SPATA31C1: variants seen among roughly 807,000 people sequenced by gnomAD.
SPATA31C1 encodes the protein SPATA31 subfamily C member 1.
chr9:87,922,174 C>T, exon 5 of SPATA31C1: 1 of 1,613,288 alleles, frequency 6.2e-7, no homozygotes, highest in Non-Finnish European at 8.5e-7. Context: ...GGGATCCCAT[C>T]TTCAAATGAT....
chr9:87,920,553 T>C, exon 5 of SPATA31C1: 2 of 1,613,706 alleles, frequency 1.2e-6, no homozygotes, highest in Non-Finnish European at 1.7e-6. Context: ...ACCTGCACTT[T>C]TCCCTCACCC....
chr9:87,921,294 A>G (rs1272688628), exon 5 of SPATA31C1: 1 of 1,612,018 alleles, frequency 6.2e-7, no homozygotes, highest in Non-Finnish European at 8.5e-7. Flanking sequence ...GGAGCAATAC[A>G]TGGGGCAACG....
exon 5 of SPATA31C1, chr9:87,922,623 C>A (rs1828904407): frequency 2.5e-6 from 4 of 1,608,970 alleles, no homozygotes; most frequent in Non-Finnish European, 3.4e-6. Context: ...TTCTCAAGTG[C>A]CCCAGGGCCA....
At chr9:87,923,086 G>A in exon 5 of SPATA31C1, 2 of 1,602,300 alleles carry the variant, frequency 1.2e-6, no homozygotes, top group East Asian at 2.3e-5. Context: ...GAAGCTGAGA[G>A]GCTCATGACA....
At chr9:87,920,789 G>T in exon 5 of SPATA31C1, 1 of 1,613,906 alleles carries the variant, frequency 6.2e-7, no homozygotes, top group Non-Finnish European at 8.5e-7. Flanking sequence ...CCCTCTCCTG[G>T]TCGCAGGAGA....
intron 1 of SPATA31C1, among the ~76,000 whole-genome samples, chr9:87,916,265 AAG>A (rs1491043992): frequency 2.8e-5 from 4 of 144,214 alleles, no homozygotes; most frequent in African/African-American, 1.0e-4. Context: ...AAAAAAAAAA[AAG>A]ATCACATATC....
At chr9:87,918,800 T>C (rs1237063312) in intron 2 of SPATA31C1, 2 of 268,540 alleles carry the variant, frequency 7.4e-6, no homozygotes, top group African/African-American at 2.5e-5. Flanking sequence ...TTTTTATTTA[T>C]TTTGTTTTTT....
At chr9:87,922,522 A>G in exon 5 of SPATA31C1, 2 of 1,610,862 alleles carry the variant, frequency 1.2e-6, no homozygotes, top group Non-Finnish European at 1.7e-6. Flanking sequence ...ATGGCCACGA[A>G]GTCAGAGACC....
In SPATA31C1 at chr9:87,920,632, G is replaced by A. The variant is rs368844699; in HGVS notation, n.1022G>A. On this transcript the variant is annotated non_coding_transcript_exon_variant, in exon 5 of 5. Coordinates refer to ENST00000420021, the Ensembl canonical transcript of SPATA31C1. ...AAAGGCTTCACTCCTCCTCCCCTGCGGGACTCCACTCTGTTAACACCATCT... is the reference window on the plus strand; with the variant it reads ...AAAGGCTTCACTCCTCCTCCCCTGCAGGACTCCACTCTGTTAACACCATCT... The A allele has an allele frequency of 6.5e-5, 105 of 1,613,606 alleles. No individual in the cohort carries two copies. The highest frequency in any genetic ancestry group is 2.1e-4 in the African/African-American group (16 of 74,870).
intron 2 of SPATA31C1, 190 bp from the exon 2 acceptor site, chr9:87,919,065 C>G: frequency 2.1e-6 from 2 of 934,090 alleles, no homozygotes; most frequent in Non-Finnish European, 3.2e-6. Flanking sequence ...CCACCGCACC[C>G]GACCCCCTCT....
exon 5 of SPATA31C1, chr9:87,920,313 G>A: frequency 1.2e-6 from 2 of 1,613,986 alleles, no homozygotes; most frequent in Middle Eastern, 1.7e-4. Flanking sequence ...AGACCCGCCA[G>A]GTGAGGTGGG....
At chr9:87,922,062 G>T (rs760639831) in exon 5 of SPATA31C1, 20 of 1,614,008 alleles carry the variant, frequency 1.2e-5, no homozygotes, top group Non-Finnish European at 1.6e-5. Context: ...GCCACCAATG[G>T]CAAGTCTGAG....
chr9:87,918,737 G>C, intron 2 of SPATA31C1: 2 of 178,534 alleles, frequency 1.1e-5, no homozygotes, highest in Non-Finnish European at 2.1e-5. Flanking sequence ...TGGCGTCCAT[G>C]GTGGACCTCA....
downstream of SPATA31C1, chr9:87,923,563 GA>G: frequency 9.2e-7 from 1 of 1,087,544 alleles, no homozygotes; most frequent in Middle Eastern, 3.2e-4. Context: ...AAGTCACCAA[GA>G]AAAAATTCAC....
chr9:87,921,566 A>T, exon 5 of SPATA31C1: 1 of 1,609,738 alleles, frequency 6.2e-7, no homozygotes, highest in South Asian at 1.1e-5. Flanking sequence ...CTGAGGAGTC[A>T]GAAAGGAACC....
intron 1 of SPATA31C1, among the ~76,000 whole-genome samples, chr9:87,915,703 C>A (rs1357990883): frequency 7.0e-6 from 1 of 143,020 alleles, no homozygotes; most frequent in Non-Finnish European, 1.6e-5. Context: ...ACTGATATTG[C>A]ACTTTTTTCA....
In SPATA31C1 at chr9:87,919,095, G is replaced by A. The variant is rs567392589; in HGVS notation, n.523-196G>A. ...CCCTCTTCCTGTTTTTCTAAGAAAA[G>A]CAGTTTATCATCCATTTAAACATGA... On this transcript the variant is annotated intron_variant and non_coding_transcript_variant, in intron 2 of 4. Coordinates refer to ENST00000420021, the Ensembl canonical transcript of SPATA31C1. 2.5e-6 allele frequency: 3 copies of A among 1,177,392 alleles called. No homozygotes were observed. The South Asian group carries it at 3.9e-5, about 15-fold the overall frequency. The allele number at this position is 1,177,392 out of a possible 1,614,324, so 72.9% of individuals were successfully genotyped here.
chr9:87,916,371 T>C (rs1828718841), intron 1 of SPATA31C1, among the ~76,000 whole-genome samples: 1 of 147,842 alleles, frequency 6.8e-6, no homozygotes, highest in Admixed American at 6.7e-5. Flanking sequence ...GCACAATCAA[T>C]TCTAAGAATT....
At chr9:87,923,150 C>T in exon 5 of SPATA31C1, 1 of 1,603,310 alleles carries the variant, frequency 6.2e-7, no homozygotes, top group African/African-American at 1.3e-5. Flanking sequence ...CGCGCCATGC[C>T]TCGAAGGTAA....
Sources: gnomAD v4.1 joint callset for allele counts (sites outside exome capture counted in the v4.1 genomes callset) on GRCh38, gnomAD v4.1.1 for gene constraint, MANE v1.5 for transcripts, NCBI Gene and HGNC (gene_info 2026-07-23, HGNC 2026-07-21) for gene names.